Variants in FRMD4B observed in about 807,000 individuals in gnomAD.
FRMD4B encodes the protein FERM domain containing 4B, also known as FERM domain-containing protein 4B.
A neutral mutation model predicts 141.5 loss-of-function variants in FRMD4B; 74 were observed. The observed-to-expected ratio is 0.52, with a 90% CI of 0.43 to 0.63. The LOEUF is 0.63. Among genes scored for constraint, FRMD4B ranks in the 30% least tolerant of loss-of-function variants. FRMD4B has a pLI of 0.00. For missense variants in FRMD4B, 1,366 were observed against 1,253.4 expected, an observed-to-expected ratio of 1.09 and a Z score of -1.36; for synonymous variants, 506 against 467.9, an observed-to-expected ratio of 1.08 and a Z score of -1.05.
chr3:69,347,527 A>T (rs1193725789), intron 1 of FRMD4B, among the ~76,000 whole-genome samples: 1 of 152,248 alleles, frequency 6.6e-6, no homozygotes, highest in East Asian at 1.9e-4. Flanking sequence ...AACAGAATAT[A>T]CATTCTTCTC....
Position 69,181,533 on chromosome 3 carries a change from C to A in FRMD4B, c.2217G>T (p.Glu739Asp), listed in dbSNP as rs770220633. 3 of 1,613,792 alleles carry A rather than the reference C, an allele frequency of 1.9e-6. No individual in the cohort carries two copies. The African/African-American group carries it at 4.0e-5, about 22-fold the overall frequency. Residue 739 changes from glutamate (E) to aspartate (D), a missense_variant, in exon 21 of 23, where the codon GAG becomes GAT. Coordinates refer to ENST00000398540, the MANE Select transcript of FRMD4B (RefSeq NM_015123.3). Reference sequence around the variant, plus strand: ...CGGTAACTGGTGTCACACAGTAATACTCTGTGCTTGATTGGCTTGTATAAG... The same window carrying A: ...CGGTAACTGGTGTCACACAGTAATAATCTGTGCTTGATTGGCTTGTATAAG... Reference protein sequence around the residue: ...GSSYTSQSSTEYYCVTPVTGP... With the variant: ...GSSYTSQSSTDYYCVTPVTGP...
intron 5 of FRMD4B, chr3:69,250,301 G>GTA (rs2093455581): frequency 3.4e-6 from 1 of 295,790 alleles, no homozygotes; most frequent in East Asian, 5.6e-5. Flanking sequence ...GTGTGTGTGT[G>GTA]TGTGTGTGTG....
chr3:69,504,256 T>C (rs1171591603), intron 1 of FRMD4B, among the ~76,000 whole-genome samples: 1 of 152,186 alleles, frequency 6.6e-6, no homozygotes, highest in African/African-American at 2.4e-5. Flanking sequence ...TCATTTATAT[T>C]TTTTCCAATA....
At chr3:69,502,460 G>A (rs527527123) in intron 1 of FRMD4B, among the ~76,000 whole-genome samples, 2 of 152,218 alleles carry the variant, frequency 1.3e-5, no homozygotes, top group South Asian at 4.2e-4. Context: ...AAATGGTGCT[G>A]GGAAAACTGG....
intron 12 of FRMD4B, 89 bp from the exon 13 acceptor site, chr3:69,197,127 T>C (rs958032803): frequency 2.0e-6 from 2 of 1,001,318 alleles, no homozygotes; most frequent in Admixed American, 4.9e-5. Context: ...TAACAAAGCA[T>C]GTTCCTCTTA....
At chr3:69,196,219 A>C in intron 14 of FRMD4B, 36 bp downstream of exon 14, 1 of 1,514,002 alleles carries the variant, frequency 6.6e-7, no homozygotes, top group Non-Finnish European at 8.9e-7. Context: ...AACGAAATAA[A>C]GATGGCTTGC....
chr3:69,459,954 G>A (rs1223139790), intron 1 of FRMD4B, among the ~76,000 whole-genome samples: 1 of 152,066 alleles, frequency 6.6e-6, no homozygotes, highest in Admixed American at 6.5e-5. Context: ...CAAATTATAG[G>A]ATACATGAAA....
At chr3:69,390,501 C>G (rs1212917849), upstream of FRMD4B, among the ~76,000 whole-genome samples, 2 of 152,140 alleles carry the variant, frequency 1.3e-5, no homozygotes, top group Non-Finnish European at 2.9e-5. Flanking sequence ...AGGGATGCCG[C>G]TAAACATTAT....
chr3:69,528,169 T>C (rs1700956139), intron 1 of FRMD4B, among the ~76,000 whole-genome samples: 1 of 152,096 alleles, frequency 6.6e-6, no homozygotes, highest in Non-Finnish European at 1.5e-5. Flanking sequence ...AGTGTGATTT[T>C]TAAAAAAGGG....
intron 8 of FRMD4B, among the ~76,000 whole-genome samples, chr3:69,222,528 T>C (rs1405574342): frequency 2.7e-5 from 4 of 150,858 alleles, no homozygotes; most frequent in African/African-American, 9.7e-5. Context: ...TCCCAGCACT[T>C]TGGGAAGTTG....
Position 69,250,452 on chromosome 3 carries a change from C to T in FRMD4B, c.502-353G>A, listed in dbSNP as rs1481545161. Among the ~76,000 whole-genome samples, 3 of 152,252 alleles carry T rather than the reference C, an allele frequency of 2.0e-5. No homozygotes were observed. The East Asian group carries it at 5.8e-4, about 29-fold the overall frequency. On this transcript the variant is annotated intron_variant, in intron 5 of 22. Transcript: ENST00000398540. The stretch of plus-strand genomic sequence containing the variant: ...TTATCTCTGCAAGTTCATTTTTAAG[C>T]ACTCTGCAGAATTTCCTAGATTCAT...
intron 11 of FRMD4B, among the ~76,000 whole-genome samples, chr3:69,208,543 C>A (rs1575610786): frequency 1.4e-5 from 2 of 147,202 alleles, no homozygotes; most frequent in South Asian, 2.1e-4. Flanking sequence ...CATCGGCATA[C>A]CCTGTTCTTT....
chr3:69,475,708 T>C (rs1186937523), intron 1 of FRMD4B, among the ~76,000 whole-genome samples: 2 of 152,016 alleles, frequency 1.3e-5, no homozygotes, highest in Non-Finnish European at 1.5e-5. Context: ...TTATAATCCT[T>C]TGGGTATATA....
At chr3:69,180,579 A>C (rs560941675) in intron 21 of FRMD4B, among the ~76,000 whole-genome samples, 1 of 152,222 alleles carries the variant, frequency 6.6e-6, no homozygotes, top group African/African-American at 2.4e-5. Flanking sequence ...TAGGCGACAG[A>C]GTGAGACTCC....
At chr3:69,242,638 A>G (rs532252144) in intron 7 of FRMD4B, among the ~76,000 whole-genome samples, 1 of 150,112 alleles carries the variant, frequency 6.7e-6, no homozygotes, top group Admixed American at 6.7e-5. Flanking sequence ...TTTTCTTACA[A>G]GTAGAAGCAC....
At position 69,233,215 on chromosome 3, in the gene FRMD4B, A is replaced by C. The variant is rs574319328; in HGVS notation, c.582-8525T>G. Among the ~76,000 whole-genome samples, 219 of 152,216 alleles carry C rather than the reference A, an allele frequency of 1.4e-3. 1 individual carries two copies. In the South Asian group the frequency reaches 0.036, roughly 25 times the overall value. On this transcript the variant is annotated intron_variant, in intron 7 of 22. Transcript: ENST00000398540. ...AGAAAGTTAACTTGGGGCTGGTTGCAGTGGCTTACACCTGTAATCCCAGCA... is the reference window on the plus strand; with the variant it reads ...AGAAAGTTAACTTGGGGCTGGTTGCCGTGGCTTACACCTGTAATCCCAGCA...
chr3:69,332,837 C>T (rs1702415928), intron 1 of FRMD4B, among the ~76,000 whole-genome samples: 1 of 146,400 alleles, frequency 6.8e-6, no homozygotes, highest in Non-Finnish European at 1.5e-5. Flanking sequence ...ATCCTCCCGC[C>T]TTAAGCGCTG....
At chr3:69,322,594 CTTT>C (rs771521331) in intron 1 of FRMD4B, among the ~76,000 whole-genome samples, 6 of 81,356 alleles carry the variant, frequency 7.4e-5, no homozygotes, top group Non-Finnish European at 6.1e-5. Flanking sequence ...TTCTCTCTCT[CTTT>C]TTTTTTTTTT....
rs2092706581 is a variant in FRMD4B, at chr3:69,181,413, C to A, written c.2337G>T (p.Met779Ile). The A allele has an allele frequency of 6.2e-7, 1 of 1,613,964 alleles. No individual in the cohort carries two copies. Among genetic ancestry groups the A allele is most frequent in the Non-Finnish European group, 8.5e-7 (1 of 1,179,876 alleles). ...QNVSTSNSGSMPNLAQKDSLR... is the reference protein window; with the variant it reads ...QNVSTSNSGSIPNLAQKDSLR... ...AACTATCCTTTTGTGCTAGGTTGGG[C>A]ATGCTTCCTGAATTTGAAGTAGAAA... Residue 779 changes from methionine to isoleucine, a missense_variant, in exon 21 of 23, where the codon ATG (methionine) becomes ATT (isoleucine). Coordinates refer to ENST00000398540, the MANE Select transcript of FRMD4B (RefSeq NM_015123.3).
Sources: gnomAD v4.1 joint callset for allele counts (sites outside exome capture counted in the v4.1 genomes callset) on GRCh38, gnomAD v4.1.1 for gene constraint, MANE v1.5 for transcripts, NCBI Gene and HGNC (gene_info 2026-07-23, HGNC 2026-07-21) for gene names.